Variants in GPBP1L1 observed in about 807,000 individuals in gnomAD.
GPBP1L1 encodes vasculin-like protein 1.
GPBP1L1 carries 23 observed loss-of-function variants against 52.5 expected under a neutral mutation model. The observed-to-expected ratio is 0.44, with a 90% confidence interval of 0.32 to 0.62. The LOEUF (loss-of-function observed/expected upper bound fraction) is 0.62, where lower values mean the gene tolerates loss of function less well. GPBP1L1 is among the 20% of genes least tolerant of loss of function. The pLI is 0.06. For synonymous variants in GPBP1L1, 243 were observed against 203.1 expected (o/e 1.20, Z -1.67); for missense variants, 596 against 579.3 (o/e 1.03, Z -0.30).
chr1:45,676,847 C>A (rs1482679138), intron 2 of GPBP1L1, among the ~76,000 whole-genome samples: 1 of 151,772 alleles, frequency 6.6e-6, no homozygotes, highest in East Asian at 1.9e-4. Context: ...CCACTGCACT[C>A]CAGCCTGGGT....
At chr1:45,667,620 A>G (rs988229619) in intron 2 of GPBP1L1, among the ~76,000 whole-genome samples, 1 of 152,170 alleles carries the variant, frequency 6.6e-6, no homozygotes, top group Non-Finnish European at 1.5e-5. Flanking sequence ...TCATCAATTT[A>G]TTCCTTCTGG....
At chr1:45,652,742 G>A (rs1399417367) in intron 6 of GPBP1L1, among the ~76,000 whole-genome samples, 1 of 151,322 alleles carries the variant, frequency 6.6e-6, no homozygotes, top group Non-Finnish European at 1.5e-5. Flanking sequence ...TTAAGAGATA[G>A]AGTCTTGCTT....
intron 6 of GPBP1L1, among the ~76,000 whole-genome samples, chr1:45,643,687 TGTGACAGAG>T (rs1644704117): frequency 8.6e-6 from 1 of 116,808 alleles, no homozygotes; most frequent in African/African-American, 3.3e-5. Context: ...TTTTTTTTTT[TGTGACAGAG>T]TGTCACTCTG....
intron 8 of GPBP1L1, among the ~76,000 whole-genome samples, chr1:45,638,717 A>C (rs1440675476): frequency 6.6e-6 from 1 of 152,162 alleles, no homozygotes; most frequent in Non-Finnish European, 1.5e-5. Context: ...AGGTGGGAGG[A>C]TGGCTTGAGC....
chr1:45,676,710 C>CAAAAAAA (rs1189531708), intron 2 of GPBP1L1, among the ~76,000 whole-genome samples: 4 of 63,266 alleles, frequency 6.3e-5, no homozygotes, highest in African/African-American at 1.7e-4. Context: ...AACTCTGTCT[C>CAAAAAAA]AAAAAAAAAA....
At chr1:45,663,198 C>T (rs1644967973) in intron 2 of GPBP1L1, among the ~76,000 whole-genome samples, 1 of 152,050 alleles carries the variant, frequency 6.6e-6, no homozygotes, top group African/African-American at 2.4e-5. Context: ...ATATAAATAA[C>T]TGTCTGGTGC....
At chr1:45,677,006 A>G (rs1022742418) in intron 2 of GPBP1L1, among the ~76,000 whole-genome samples, 1 of 151,698 alleles carries the variant, frequency 6.6e-6, no homozygotes, top group Admixed American at 6.6e-5. Flanking sequence ...CCTGAGCCAC[A>G]TGGTAAGATC....
chr1:45,687,226 A>G (rs993943986), upstream of GPBP1L1: 10 of 152,284 alleles, frequency 6.6e-5, no homozygotes, highest in African/African-American at 2.4e-4. Context: ...GATTCCGGCG[A>G]GAGCCTGCGC....
chr1:45,666,962 G>T lies in GPBP1L1; in HGVS notation c.-1097-5737C>A, dbSNP rs115600592. On this transcript the variant is annotated intron_variant, in intron 2 of 12. Coordinates refer to ENST00000355105, the MANE Select transcript of GPBP1L1 (RefSeq NM_021639.5). ...AAGGCAGACACAAAAACTGTAAGTT[G>T]TATTATTCCACTTATATGAAACATC... 2.7e-3 allele frequency among the ~76,000 whole-genome samples: 408 copies of T among 152,324 alleles called. 3 individuals are homozygous for T. Among genetic ancestry groups the T allele is most frequent in the Non-Finnish European group, 4.2e-3 (283 of 68,028 alleles).
chr1:45,652,477 T>A (rs575607871), intron 6 of GPBP1L1, among the ~76,000 whole-genome samples: 1 of 152,344 alleles, frequency 6.6e-6, no homozygotes, highest in African/African-American at 2.4e-5. Flanking sequence ...TACTCCACAC[T>A]ATTTCTTGTT....
At chr1:45,663,433 T>C (rs1211510135) in intron 2 of GPBP1L1, among the ~76,000 whole-genome samples, 1 of 152,206 alleles carries the variant, frequency 6.6e-6, no homozygotes, top group Non-Finnish European at 1.5e-5. Flanking sequence ...ATCCAAAGTT[T>C]CTATAGCAGA....
At chr1:45,637,036 G>A (rs1644602334) in intron 8 of GPBP1L1, among the ~76,000 whole-genome samples, 1 of 152,186 alleles carries the variant, frequency 6.6e-6, no homozygotes, top group Admixed American at 6.5e-5. Flanking sequence ...ATAGTAAGAT[G>A]TCAACAAATG....
intron 12 of GPBP1L1, 57 bp downstream of exon 12, chr1:45,629,519 T>G: frequency 1.3e-6 from 1 of 750,042 alleles, no homozygotes; most frequent in East Asian, 5.3e-5. Context: ...AGAACTGTCT[T>G]GACTCCTTAT....
chr1:45,642,224 T>G (rs1644683542), intron 7 of GPBP1L1, among the ~76,000 whole-genome samples: 1 of 152,142 alleles, frequency 6.6e-6, no homozygotes. Flanking sequence ...TTGACTCTAC[T>G]ACCATGGTAA....
upstream of GPBP1L1, chr1:45,687,078 C>T (rs1645299681): frequency 6.6e-6 from 1 of 152,292 alleles, no homozygotes; most frequent in South Asian, 2.1e-4. Context: ...CTCGTGTGCG[C>T]GTCGTTGAGA....
At chr1:45,646,839 G>C (rs920842576) in intron 6 of GPBP1L1, among the ~76,000 whole-genome samples, 5 of 152,094 alleles carry the variant, frequency 3.3e-5, no homozygotes, top group African/African-American at 1.2e-4. Context: ...TTACAGGTGT[G>C]AGCCACCGTA....
intron 8 of GPBP1L1, 135 bp downstream of exon 8, chr1:45,640,075 G>A: frequency 1.7e-6 from 1 of 592,934 alleles, no homozygotes; most frequent in Non-Finnish European, 2.9e-6. Flanking sequence ...AGCAAAGAAA[G>A]CTGTATACAT....
chr1:45,633,434 G>T (rs529662281), intron 10 of GPBP1L1, 55 bp downstream of exon 10: 3 of 1,566,026 alleles, frequency 1.9e-6, no homozygotes, highest in African/African-American at 2.7e-5. Flanking sequence ...AAGAAATCAC[G>T]TATGTATCAA....
intron 11 of GPBP1L1, 58 bp from the exon 12 acceptor site, chr1:45,629,736 A>C (rs1569741340): frequency 1.8e-6 from 2 of 1,110,004 alleles, no homozygotes. Context: ...CTAAGTGAAC[A>C]GCCCACCACT....
Sources: allele counts gnomAD v4.1 joint callset (sites outside exome capture counted in the v4.1 genomes callset), GRCh38; gene constraint gnomAD v4.1.1; transcripts MANE v1.5; gene names NCBI Gene and HGNC (gene_info 2026-07-23, HGNC 2026-07-21).